The following CAMKK2 variants were observed in gnomAD, a reference collection of about 807,000 sequenced individuals.
The protein encoded by CAMKK2 is calcium/calmodulin-dependent protein kinase kinase 2.
In CAMKK2, 30 loss-of-function variants were observed where a neutral mutation model predicts 67.2. The observed-to-expected ratio is 0.45, with a 90% CI of 0.33 to 0.61. The LOEUF (loss-of-function observed/expected upper bound fraction) is 0.61. Ranked by LOEUF, CAMKK2 falls within the 20% of genes least tolerant of loss-of-function variation. The pLI is 0.02. For synonymous variants in CAMKK2, 322 were observed against 326.2 expected (o/e 0.99, Z 0.14); for missense variants, 643 against 802.0 (o/e 0.80, Z 2.39).
Position 121,265,363 on chromosome 12 carries a change from GGT to G in CAMKK2, c.626-1426_626-1425del, listed in dbSNP as rs1219455032. On this transcript the variant is annotated intron_variant, in intron 5 of 16. Coordinates refer to ENST00000404169, the MANE Select transcript of CAMKK2 (RefSeq NM_001270485.2). ...CATATAGCTGGAGAGAGGGGAAAGT[GGT>G]AGTGTGTGTCCACAGAGGAGCTGAC... is the stretch of plus-strand genomic sequence containing the variant. Among the ~76,000 whole-genome samples, 971 of 137,950 alleles carry G rather than the reference GGT, an allele frequency of 7.0e-3. 8 individuals carry two copies. The highest frequency in any genetic ancestry group is 0.026 in the African/African-American group (947 of 35,808). The allele number at this position is 137,950 out of a possible 152,430, so 90.5% of individuals were successfully genotyped here.
chr12:121,255,266 A>AAT (rs1891775958), intron 9 of CAMKK2, among the ~76,000 whole-genome samples: 5 of 15,392 alleles, frequency 3.2e-4, no homozygotes, highest in African/African-American at 1.4e-3. Context: ...ATATAATTTT[A>AAT]TATATATATA....
intron 1 of CAMKK2, among the ~76,000 whole-genome samples, chr12:121,274,914 C>T (rs1309366885): frequency 1.3e-5 from 2 of 148,614 alleles, no homozygotes; most frequent in Non-Finnish European, 3.0e-5. Flanking sequence ...CTCAAGTGAT[C>T]CTCCCATCTC....
At chr12:121,260,614 G>A in intron 6 of CAMKK2, 1 of 543,728 alleles carries the variant, frequency 1.8e-6, no homozygotes, top group African/African-American at 2.0e-5. Context: ...AAAAGGGAGG[G>A]GCCAAAATAC....
chr12:121,263,051 C>T (rs1189086808), intron 6 of CAMKK2, among the ~76,000 whole-genome samples: 1 of 152,128 alleles, frequency 6.6e-6, no homozygotes, highest in Non-Finnish European at 1.5e-5. Context: ...TCACTGCAAC[C>T]TCTGCCTCCC....
chr12:121,268,097 T>C (rs1016232331), intron 5 of CAMKK2, among the ~76,000 whole-genome samples: 2 of 147,006 alleles, frequency 1.4e-5, no homozygotes, highest in Non-Finnish European at 3.0e-5. Context: ...TATATATATA[T>C]ATACTCTATT....
At chr12:121,257,906 G>T (rs1892664828) in intron 7 of CAMKK2, among the ~76,000 whole-genome samples, 2 of 152,162 alleles carry the variant, frequency 1.3e-5, no homozygotes, top group South Asian at 4.1e-4. Flanking sequence ...GGTGGCATGA[G>T]GGAGGGTGGC....
intron 1 of CAMKK2, among the ~76,000 whole-genome samples, chr12:121,288,926 T>A (rs1305678438): frequency 6.6e-6 from 1 of 152,222 alleles, no homozygotes; most frequent in African/African-American, 2.4e-5. Flanking sequence ...CTTCTCATTT[T>A]CTTTCATTCC....
intron 13 of CAMKK2, 28 bp from the exon 14 acceptor site, chr12:121,248,762 G>A: frequency 6.2e-7 from 1 of 1,613,126 alleles, no homozygotes; most frequent in Non-Finnish European, 8.5e-7. Context: ...AGGGGTGAGG[G>A]GCAGGTGTGG....
chr12:121,258,842 ATT>A (rs63519464), intron 7 of CAMKK2, among the ~76,000 whole-genome samples: 4,220 of 129,428 alleles, frequency 0.033, 64 homozygotes, highest in Middle Eastern at 0.1. Flanking sequence ...GTCAAAGCCA[ATT>A]TTTTTTTTTT....
chr12:121,281,224 C>T (rs1369188415), intron 1 of CAMKK2, among the ~76,000 whole-genome samples: 2 of 152,256 alleles, frequency 1.3e-5, no homozygotes, highest in Non-Finnish European at 2.9e-5. Context: ...CTCCAGGAAA[C>T]ACATTCTCAT....
chr12:121,252,692 C>A lies in CAMKK2; in HGVS notation c.1130G>T (p.Gly377Val). 1 of 1,614,226 alleles carries A rather than the reference C, an allele frequency of 6.2e-7. No homozygotes were observed. Among genetic ancestry groups the A allele is most frequent in the Non-Finnish European group, 8.5e-7 (1 of 1,180,024 alleles). ...SGKALDVWAM[G>V]VTLYCFVFGQ... is the part of the protein sequence containing the mutation. ...AAAGACAAAGCAGTATAGTGTCACA[C>A]CCATGGCCCAAACATCCAAGGCCTG... Residue 377 changes from glycine to valine, a missense_variant, in exon 11 of 17, where the codon GGT becomes GTT. This residue lies in a region of CAMKK2 where 483 missense variants were observed against 625.8 expected (regional missense o/e 0.77). Coordinates refer to ENST00000404169, the MANE Select transcript of CAMKK2 (RefSeq NM_001270485.2).
At chr12:121,244,175 C>G (rs201804162) in intron 16 of CAMKK2, 2 of 1,595,464 alleles carry the variant, frequency 1.3e-6, no homozygotes, top group Admixed American at 3.5e-5. Context: ...GAGCCCCTAG[C>G]GAAGAGCCAC....
At chr12:121,296,909 C>T (rs1250377000), upstream of CAMKK2, among the ~76,000 whole-genome samples, 1 of 150,954 alleles carries the variant, frequency 6.6e-6, no homozygotes, top group South Asian at 2.1e-4. This position sits in a 1 kb window ranked among gnomAD's most constrained non-coding sequence, Gnocchi z 7.1. Flanking sequence ...CTCGGCCCTG[C>T]GCCGGGGAGG....
At chr12:121,264,609 C>T (rs1894138644) in intron 5 of CAMKK2, among the ~76,000 whole-genome samples, 1 of 151,992 alleles carries the variant, frequency 6.6e-6, no homozygotes, top group Admixed American at 6.6e-5. Flanking sequence ...ACTGTCTCGA[C>T]TAAAAATACA....
chr12:121,267,366 C>T (rs1894837472), intron 5 of CAMKK2, among the ~76,000 whole-genome samples: 2 of 151,854 alleles, frequency 1.3e-5, no homozygotes, highest in South Asian at 4.1e-4. Context: ...CCCACCTTGG[C>T]CTCCCAAAGT....
chr12:121,247,405 G>T (rs1889711583), intron 14 of CAMKK2, among the ~76,000 whole-genome samples: 1 of 152,170 alleles, frequency 6.6e-6, no homozygotes, highest in Non-Finnish European at 1.5e-5. Flanking sequence ...GCCTACTCCA[G>T]ACCTCCAGGG....
intron 6 of CAMKK2, among the ~76,000 whole-genome samples, chr12:121,263,391 G>A (rs1303085274): frequency 1.3e-5 from 2 of 152,116 alleles, no homozygotes; most frequent in East Asian, 1.9e-4. Flanking sequence ...TTATAAGCGC[G>A]AGCCAGTGCA....
intron 15 of CAMKK2, among the ~76,000 whole-genome samples, chr12:121,244,883 AC>A (rs1889116524): frequency 6.6e-6 from 1 of 152,206 alleles, no homozygotes; most frequent in African/African-American, 2.4e-5. Context: ...TTTTCTTCTG[AC>A]TGACCAAGAG....
intron 1 of CAMKK2, among the ~76,000 whole-genome samples, chr12:121,292,376 G>A (rs538719089): frequency 2.0e-3 from 304 of 152,164 alleles, no homozygotes; most frequent in Non-Finnish European, 2.9e-3. Flanking sequence ...TGATCTACCC[G>A]CCTCGGCCTC....
Sources: allele counts gnomAD v4.1 joint callset (sites outside exome capture counted in the v4.1 genomes callset), GRCh38; gene constraint gnomAD v4.1.1; regional missense constraint gnomAD v4.1.1; non-coding constraint Gnocchi (gnomAD v3.1); transcripts MANE v1.5; gene names NCBI Gene and HGNC (gene_info 2026-07-23, HGNC 2026-07-21).